DNMT1: variants seen among roughly 807,000 people sequenced by gnomAD.
DNMT1 encodes the protein DNA methyltransferase 1, also known as DNA (cytosine-5)-methyltransferase 1.
In DNMT1, 24 loss-of-function variants were observed where a neutral mutation model predicts 205.3. That is an observed-to-expected ratio of 0.12 (90% CI 0.08 to 0.16). The LOEUF (loss-of-function observed/expected upper bound fraction) is 0.16. Among genes scored for constraint, DNMT1 ranks in the 10% least tolerant of loss-of-function variants. The probability of loss-of-function intolerance (pLI) is 1.00; values close to 1 mark genes in which losing one functional copy is unlikely to be tolerated. For missense variants in DNMT1, 1,293 were observed against 2,177.7 expected (o/e 0.59, Z 8.09); for synonymous variants, 817 against 839.8 (o/e 0.97, Z 0.47).
chr19:10,142,359 C>CCT, intron 29 of DNMT1, 139 bp from the exon 30 acceptor site: 1 of 1,193,058 alleles, frequency 8.4e-7, no homozygotes, highest in Middle Eastern at 2.4e-4. Context: ...GTAAAGACCC[C>CCT]CTCAGTTAGG....
chr19:10,141,236 C>T (rs2089594808), intron 30 of DNMT1, 47 bp from the exon 31 acceptor site: 3 of 1,591,676 alleles, frequency 1.9e-6, no homozygotes, highest in Non-Finnish European at 2.6e-6. Flanking sequence ...ACGCACTGTC[C>T]CCTCTCTAAC....
At chr19:10,182,616 ATG>A (rs1287447850) in intron 1 of DNMT1, among the ~76,000 whole-genome samples, 2 of 151,228 alleles carry the variant, frequency 1.3e-5, no homozygotes, top group African/African-American at 4.9e-5. Flanking sequence ...GTATGTATAT[ATG>A]TGTATATATA....
At chr19:10,186,216 G>A (rs532328017) in intron 1 of DNMT1, among the ~76,000 whole-genome samples, 1 of 152,252 alleles carries the variant, frequency 6.6e-6, no homozygotes, top group African/African-American at 2.4e-5. Flanking sequence ...GGGATATTTA[G>A]CCTGGCAAAG....
In DNMT1 at chr19:10,140,358, C is replaced by T; in HGVS notation, c.3524-30G>A. On this transcript the variant is annotated intron_variant, in intron 32 of 40. Coordinates refer to ENST00000359526, the MANE Select transcript of DNMT1 (RefSeq NM_001130823.3). This position sits in a 1 kb window ranked among gnomAD's most constrained non-coding sequence, Gnocchi z 8.4. ...CAGATCAAGCACGAAGCCATGCTTT[C>T]AACTCTCCAGAAGATTTTTTTTTTT... The T allele has an allele frequency of 6.2e-7, 1 of 1,610,440 alleles. No individual in the cohort carries two copies. Among genetic ancestry groups the T allele is most frequent in the Non-Finnish European group, 8.5e-7 (1 of 1,179,052 alleles).
At chr19:10,160,845 C>T (rs183476188) in intron 13 of DNMT1, among the ~76,000 whole-genome samples, 96 of 152,316 alleles carry the variant, frequency 6.3e-4, no homozygotes, top group African/African-American at 2.3e-3. Flanking sequence ...AGAGATCATG[C>T]CACTGCATTC....
chr19:10,136,759 T>A (rs2089490718), intron 37 of DNMT1, among the ~76,000 whole-genome samples: 1 of 111,942 alleles, frequency 8.9e-6, no homozygotes, highest in African/African-American at 3.9e-5. Flanking sequence ...TATTTATTGT[T>A]TTTTTTTTTT....
chr19:10,155,195 A>C (rs903630354), intron 19 of DNMT1, 139 bp from the exon 20 acceptor site: 13 of 1,177,942 alleles, frequency 1.1e-5, no homozygotes, highest in East Asian at 7.2e-5. Flanking sequence ...AACATAGGGC[A>C]CAACACATCA....
At chr19:10,143,723 G>A (rs374729893) in intron 29 of DNMT1, 43 bp downstream of exon 29, 1 of 1,607,162 alleles carries the variant, frequency 6.2e-7, no homozygotes, top group Non-Finnish European at 8.5e-7. Flanking sequence ...GAGCCTTCTA[G>A]AAGAGTCTGT....
At chr19:10,155,398 C>T (rs1298155004) in intron 19 of DNMT1, among the ~76,000 whole-genome samples, 2 of 151,558 alleles carry the variant, frequency 1.3e-5, no homozygotes, top group African/African-American at 2.4e-5. Context: ...AGGGCAGTGG[C>T]GTGATCTCGG....
intron 37 of DNMT1, among the ~76,000 whole-genome samples, chr19:10,136,840 C>G: frequency 6.6e-6 from 1 of 151,890 alleles, no homozygotes; most frequent in Non-Finnish European, 1.5e-5. Context: ...CTCACTGTAG[C>G]CTCCTCAACC....
At chr19:10,145,541 G>T (rs10418707) in intron 28 of DNMT1, among the ~76,000 whole-genome samples, 1 of 152,146 alleles carries the variant, frequency 6.6e-6, no homozygotes, top group African/African-American at 2.4e-5. Context: ...GTGTGGAAAC[G>T]ATCTGTGGCT....
chr19:10,185,644 C>T (rs2039163693), intron 1 of DNMT1, among the ~76,000 whole-genome samples: 1 of 151,726 alleles, frequency 6.6e-6, no homozygotes, highest in South Asian at 2.1e-4. Context: ...CTGGGCTACA[C>T]TGAGAGATCC....
At chr19:10,168,514 G>A (rs2038739370) in intron 9 of DNMT1, 150 bp from the exon 10 acceptor site, 3 of 748,578 alleles carry the variant, frequency 4.0e-6, no homozygotes, top group East Asian at 2.7e-5. Context: ...AGTAGCTCAT[G>A]CCTGTAATCT....
chr19:10,140,774 C>A lies in DNMT1; in HGVS notation c.3523+7G>T. ...GGTATTCAGAGATGGAGCCTACGGG[C>A]GCTCACCTGCTTGGTGGAATCCCTC... On this transcript the variant is annotated splice_region_variant and intron_variant, in intron 32 of 40. Transcript: ENST00000359526. The surrounding 1 kb of genome is among the most constrained non-coding windows in gnomAD (Gnocchi z 8.4). The A allele has an allele frequency of 6.2e-7, 1 of 1,613,990 alleles. No homozygotes were observed. The highest frequency in any genetic ancestry group is 8.5e-7 in the Non-Finnish European group (1 of 1,179,926).
At chr19:10,150,573 GCAGC>G (rs2038318901) in intron 24 of DNMT1, among the ~76,000 whole-genome samples, 1 of 152,244 alleles carries the variant, frequency 6.6e-6, no homozygotes, top group Non-Finnish European at 1.5e-5. Context: ...CACGGCCCAG[GCAGC>G]CAGCAGGTGG....
intron 9 of DNMT1, among the ~76,000 whole-genome samples, chr19:10,171,286 A>G (rs2038810387): frequency 6.6e-6 from 1 of 152,126 alleles, no homozygotes; most frequent in Non-Finnish European, 1.5e-5. Context: ...GAATTTTAGC[A>G]CCTCCTACAT....
At chr19:10,171,844 T>A (rs1488824897) in intron 9 of DNMT1, among the ~76,000 whole-genome samples, 12 of 117,394 alleles carry the variant, frequency 1.0e-4, no homozygotes, top group Admixed American at 1.6e-4. Flanking sequence ...AATAAATAAA[T>A]AAAAACACAA....
At position 10,138,335 on chromosome 19, in the gene DNMT1, G is replaced by A. The variant is rs1234094569; in HGVS notation, c.4115+104C>T. On this transcript the variant is annotated intron_variant, in intron 35 of 40. Transcript: ENST00000359526. The surrounding 1 kb of genome is among the most constrained non-coding windows in gnomAD (Gnocchi z 4.1). The stretch of plus-strand genomic sequence containing the variant: ...AGCACCGTGTGGCAGGGCAGATGCT[G>A]TACCATCCTCTCCTCCCCAAGCCTC... The A allele has an allele frequency of 1.2e-5, 19 of 1,562,830 alleles. No individual in the cohort carries two copies. Among genetic ancestry groups the A allele is most frequent in the Non-Finnish European group, 1.7e-5 (19 of 1,146,266 alleles).
At position 10,185,587 on chromosome 19, in the gene DNMT1, G is replaced by T. The variant is rs562453369; in HGVS notation, c.81-3510C>A. Among the ~76,000 whole-genome samples the T allele has an allele frequency of 3.9e-5, 6 of 152,242 alleles. No individual in the cohort carries two copies. The East Asian group carries it at 1.2e-3, about 29-fold the overall frequency. On this transcript the variant is annotated intron_variant, in intron 1 of 40. Coordinates refer to ENST00000359526, the MANE Select transcript of DNMT1 (RefSeq NM_001130823.3). Reference sequence around the variant, plus strand: ...CATGCCTGTAATCCCAGCACCTTGGGAGGCCAAGGCAGGAGGATCACTTGA... The same window carrying T: ...CATGCCTGTAATCCCAGCACCTTGGTAGGCCAAGGCAGGAGGATCACTTGA...
Sources: allele counts gnomAD v4.1 joint callset (sites outside exome capture counted in the v4.1 genomes callset), GRCh38; gene constraint gnomAD v4.1.1; non-coding constraint Gnocchi (gnomAD v3.1); transcripts MANE v1.5; gene names NCBI Gene and HGNC (gene_info 2026-07-23, HGNC 2026-07-21).